Variants in ENAH observed in about 807,000 individuals in gnomAD.
ENAH encodes ENAH actin regulator.
In ENAH, 23 loss-of-function variants were observed where a neutral mutation model predicts 78.7. That is an observed-to-expected ratio of 0.29 (90% CI 0.21 to 0.41). The LOEUF (loss-of-function observed/expected upper bound fraction) is 0.41, where lower values mean the gene tolerates loss of function less well. Among genes scored for constraint, ENAH ranks in the 10% least tolerant of loss-of-function variants. ENAH has a pLI of 1.00. For missense variants in ENAH, 544 were observed against 691.0 expected (o/e 0.79, Z 2.39); for synonymous variants, 226 against 241.0 (o/e 0.94, Z 0.58).
At chr1:225,540,423 T>C (rs1314380221) in intron 3 of ENAH, among the ~76,000 whole-genome samples, 2 of 152,144 alleles carry the variant, frequency 1.3e-5, no homozygotes, top group Admixed American at 6.5e-5. Context: ...ATGTCTGTTT[T>C]CTCCCACTTT....
chr1:225,584,321 C>T (rs1444603725), intron 1 of ENAH, among the ~76,000 whole-genome samples: 1 of 152,122 alleles, frequency 6.6e-6, no homozygotes, highest in African/African-American at 2.4e-5. Context: ...AAGGTTTCTA[C>T]ATTTTATGCA....
Position 225,514,798 on chromosome 1 carries a change from G to C in ENAH, c.1016C>G (p.Pro339Arg). 1 of 1,523,712 alleles carries C rather than the reference G, an allele frequency of 6.6e-7. No homozygotes were observed. The highest frequency in any genetic ancestry group is 1.4e-5 in the African/African-American group (1 of 69,368). 94.4% of individuals were successfully genotyped at this position (1,523,712 alleles called of 1,614,324 possible). ...AGGCCCGGTGGATGGGAGTGGAGGA[G>C]GTGGAGGGGGCCCTGGGGGAGGAGG... is the stretch of plus-strand genomic sequence containing the variant. ...ALPPPPGPPPPPPLPSTGPPP... is the reference protein window; with the variant it reads ...ALPPPPGPPPRPPLPSTGPPP... The change falls in exon 7 of 14, where the codon CCT (proline) becomes CGT (arginine). Residue 339 changes from proline (P) to arginine (R), a missense_variant. Around this residue, in one of 4 missense-constraint regions of ENAH, gnomAD observed 366 missense variants for 396.1 expected, o/e 0.92. Transcript: ENST00000366843.
intron 1 of ENAH, among the ~76,000 whole-genome samples, chr1:225,624,026 G>GT (rs1657493020): frequency 6.6e-6 from 1 of 152,106 alleles, no homozygotes; most frequent in Non-Finnish European, 1.5e-5. Flanking sequence ...CGGTTATTTG[G>GT]TTTTTTGTTT....
chr1:225,516,238 T>C (rs1261904415), intron 6 of ENAH, among the ~76,000 whole-genome samples: 2 of 152,188 alleles, frequency 1.3e-5, no homozygotes, highest in African/African-American at 4.8e-5. Context: ...TGATTACCCC[T>C]TCAAGCCACT....
At chr1:225,542,397 T>C (rs2096593892) in intron 3 of ENAH, among the ~76,000 whole-genome samples, 1 of 152,226 alleles carries the variant, frequency 6.6e-6, no homozygotes, top group South Asian at 2.1e-4. Context: ...TTTTAGGTCA[T>C]GACTCTCTCA....
chr1:225,528,111 C>A (rs1179611685), intron 4 of ENAH, among the ~76,000 whole-genome samples: 2 of 152,108 alleles, frequency 1.3e-5, no homozygotes, highest in Non-Finnish European at 2.9e-5. Flanking sequence ...AATTCAGTAC[C>A]AGAAACTTCT....
intron 1 of ENAH, among the ~76,000 whole-genome samples, chr1:225,634,085 T>C (rs1011313029): frequency 6.6e-6 from 1 of 152,244 alleles, no homozygotes; most frequent in African/African-American, 2.4e-5. Context: ...ATTTTTTTTC[T>C]TTAGTCAGTT....
intron 2 of ENAH, among the ~76,000 whole-genome samples, chr1:225,564,750 A>G (rs555904152): frequency 6.6e-6 from 1 of 152,046 alleles, no homozygotes; most frequent in Non-Finnish European, 1.5e-5. Flanking sequence ...TATCTTTTCA[A>G]TGAAGCAGCT....
intron 1 of ENAH, among the ~76,000 whole-genome samples, chr1:225,635,959 A>G (rs1659987204): frequency 6.6e-6 from 1 of 152,178 alleles, no homozygotes; most frequent in Non-Finnish European, 1.5e-5. Flanking sequence ...TGCTCTGCAA[A>G]TTTCAGACTC....
At chr1:225,648,726 C>T (rs964994935) in intron 1 of ENAH, among the ~76,000 whole-genome samples, 8 of 148,474 alleles carry the variant, frequency 5.4e-5, no homozygotes, top group Non-Finnish European at 8.9e-5. Flanking sequence ...TGACACTTCA[C>T]AAAACAATCC....
intron 1 of ENAH, among the ~76,000 whole-genome samples, chr1:225,612,365 T>A (rs2096995092): frequency 6.6e-6 from 1 of 152,200 alleles, no homozygotes; most frequent in Admixed American, 6.5e-5. Flanking sequence ...ACATGGAATG[T>A]CCAGAATAGG....
Position 225,495,459 on chromosome 1 carries a change from T to TG in ENAH, c.*2315_*2316insC, listed in dbSNP as rs1343406532. On this transcript the variant is annotated 3_prime_UTR_variant, in exon 14 of 14. Transcript: ENST00000366843. ...AATATAGCATGATTCAACACTGGTT[T>TG]TTTTTTTTTTTTTTTTTTGTCAGTT... The TG allele has an allele frequency of 7.5e-6, 1 of 133,460 alleles. No homozygotes were observed. Among genetic ancestry groups the TG allele is most frequent in the East Asian group, 2.0e-4 (1 of 4,898 alleles). The allele number at this position is 133,460 out of a possible 1,614,324, so 8.3% of individuals were successfully genotyped here.
chr1:225,617,341 A>G (rs2840958), intron 1 of ENAH, among the ~76,000 whole-genome samples: 60,997 of 151,880 alleles, frequency 0.4, 13,975 homozygotes, highest in African/African-American at 0.63. Flanking sequence ...TCCAGGCCCT[A>G]TACATTATCC....
Position 225,495,468 on chromosome 1 carries a change from T to TTC in ENAH, c.*2306_*2307insGA, listed in dbSNP as rs1472196746. 3 of 150,478 alleles carry TTC rather than the reference T, an allele frequency of 2.0e-5. No homozygotes were observed. The highest frequency in any genetic ancestry group is 4.4e-5 in the Non-Finnish European group (3 of 67,500). 9.3% of individuals were successfully genotyped at this position (150,478 alleles called of 1,614,324 possible). ...TGATTCAACACTGGTTTTTTTTTTT[T>TTC]TTTTTTTTTGTCAGTTTACACATAC... On this transcript the variant is annotated 3_prime_UTR_variant, in exon 14 of 14. Transcript: ENST00000366843.
chr1:225,530,454 T>C, intron 4 of ENAH, 100 bp downstream of exon 4: 1 of 964,584 alleles, frequency 1.0e-6, no homozygotes. Flanking sequence ...GTTGTGACTC[T>C]TAAACAGCTG....
At chr1:225,516,595 C>T (rs946406873) in intron 6 of ENAH, among the ~76,000 whole-genome samples, 1 of 152,168 alleles carries the variant, frequency 6.6e-6, no homozygotes, top group Admixed American at 6.5e-5. Context: ...CATGTATTAG[C>T]TGGGTGCGGT....
In ENAH at chr1:225,492,145, CATG is replaced by C. The variant is rs2096225185; in HGVS notation, c.*5627_*5629del. 1 of 149,830 alleles carries C rather than the reference CATG, an allele frequency of 6.7e-6. No homozygotes were observed. The highest frequency in any genetic ancestry group is 6.7e-5 in the Admixed American group (1 of 14,978). 9.3% of individuals were successfully genotyped at this position (149,830 alleles called of 1,614,324 possible). A position where few individuals can be genotyped will look rare whatever the true frequency, so the allele number is the denominator to read the frequency against. On this transcript the variant is annotated 3_prime_UTR_variant, in exon 14 of 14. Transcript: ENST00000366843. ...TGTCACCCAGGCTGGAGTACAGTGG[CATG>C]ATAACGGCTCACTGCAGCCGCGTCC...
At chr1:225,560,582 C>A (rs989070088) in intron 2 of ENAH, among the ~76,000 whole-genome samples, 2 of 152,182 alleles carry the variant, frequency 1.3e-5, no homozygotes, top group Non-Finnish European at 2.9e-5. Flanking sequence ...GTCTTGAACT[C>A]CTGGCCCTAG....
At chr1:225,513,516 T>C (rs1353234967) in intron 7 of ENAH, among the ~76,000 whole-genome samples, 3 of 152,238 alleles carry the variant, frequency 2.0e-5, no homozygotes, top group South Asian at 2.1e-4. Context: ...CATTGGACTA[T>C]AGATGAAATT....
Sources: gnomAD v4.1 joint callset for allele counts (sites outside exome capture counted in the v4.1 genomes callset) on GRCh38, gnomAD v4.1.1 for gene constraint, gnomAD v4.1.1 regional missense constraint, MANE v1.5 for transcripts, NCBI Gene and HGNC (gene_info 2026-07-23, HGNC 2026-07-21) for gene names.